Variants in CTNNBL1 observed in about 807,000 individuals in gnomAD.
CTNNBL1 encodes the protein beta-catenin-like protein 1.
In CTNNBL1, 31 loss-of-function variants were observed where a neutral mutation model predicts 72.7. The ratio of observed to expected loss-of-function variants is 0.43; its 90% CI spans 0.32 to 0.58. The LOEUF (loss-of-function observed/expected upper bound fraction) is 0.58. Among genes scored for constraint, CTNNBL1 ranks in the 20% least tolerant of loss-of-function variants. The pLI, the probability that CTNNBL1 is intolerant of heterozygous loss-of-function variation, is 0.08. For synonymous variants in CTNNBL1, 240 were observed against 267.3 expected, an observed-to-expected ratio of 0.90 and a Z score of 1.00; for missense variants, 534 against 725.1, an observed-to-expected ratio of 0.74 and a Z score of 3.03.
At chr20:37,800,104 C>T (rs2073811542) in intron 10 of CTNNBL1, among the ~76,000 whole-genome samples, 1 of 152,168 alleles carries the variant, frequency 6.6e-6, no homozygotes, top group Non-Finnish European at 1.5e-5. Context: ...AAAAGACTGT[C>T]CAAAGGGGAT....
chr20:37,773,270 A>C (rs2073541823), intron 7 of CTNNBL1, among the ~76,000 whole-genome samples: 1 of 152,176 alleles, frequency 6.6e-6, no homozygotes, highest in South Asian at 2.1e-4. Flanking sequence ...ATATGTCTGA[A>C]CCTGCCCCAT....
intron 2 of CTNNBL1, among the ~76,000 whole-genome samples, chr20:37,733,927 T>C (rs1216820321): frequency 6.6e-6 from 1 of 152,178 alleles, no homozygotes; most frequent in African/African-American, 2.4e-5. Context: ...TAAATATTTA[T>C]TGAATGAATA....
chr20:37,700,964 C>G (rs1480909100), intron 1 of CTNNBL1, among the ~76,000 whole-genome samples: 1 of 152,102 alleles, frequency 6.6e-6, no homozygotes, highest in African/African-American at 2.4e-5. Flanking sequence ...TTTCCCCCTC[C>G]TAGTTTTTTC....
At chr20:37,854,551 A>ATATTATTAT (rs139266490) in intron 13 of CTNNBL1, among the ~76,000 whole-genome samples, 42 of 129,276 alleles carry the variant, frequency 3.2e-4, no homozygotes, top group East Asian at 6.7e-4. Context: ...CTGCCTCTCA[A>ATATTATTAT]TATTATTATT....
At chr20:37,769,179 A>G (rs1234079121) in intron 7 of CTNNBL1, among the ~76,000 whole-genome samples, 1 of 152,226 alleles carries the variant, frequency 6.6e-6, no homozygotes, top group African/African-American at 2.4e-5. Flanking sequence ...CTTGGATCCT[A>G]TCCCCCACAG....
chr20:37,764,397 A>C lies in CTNNBL1; in HGVS notation c.565-800A>C, dbSNP rs191907843. ...TCTCCTTAGAACACAGATTGTGCAC[A>C]GGAGGTAGCATGAAGTAGTAAAAGC... On this transcript the variant is annotated intron_variant, in intron 5 of 15. Transcript: ENST00000361383. 8.6e-4 allele frequency among the ~76,000 whole-genome samples: 131 copies of C among 152,324 alleles called. 1 individual carries two copies. Among genetic ancestry groups the C allele is most frequent in the Admixed American group, 2.5e-3 (38 of 15,306 alleles).
intron 5 of CTNNBL1, 77 bp from the exon 6 acceptor site, chr20:37,765,120 A>G: frequency 1.1e-6 from 1 of 921,948 alleles, no homozygotes; most frequent in Non-Finnish European, 1.7e-6. Context: ...ATAGTGGAGA[A>G]GTAAGTATGG....
intron 4 of CTNNBL1, among the ~76,000 whole-genome samples, chr20:37,755,354 A>G (rs1198282152): frequency 1.3e-5 from 2 of 152,146 alleles, no homozygotes; most frequent in East Asian, 1.9e-4. Flanking sequence ...GCTGTTTTTT[A>G]TTATAATTGA....
chr20:37,779,141 G>T, intron 9 of CTNNBL1, 46 bp from the exon 10 acceptor site: 3 of 1,600,594 alleles, frequency 1.9e-6, no homozygotes, highest in Non-Finnish European at 1.7e-6. Context: ...CTCATGAAAA[G>T]ACATTCTCTT....
intron 10 of CTNNBL1, among the ~76,000 whole-genome samples, chr20:37,787,511 A>AT (rs2073688076): frequency 6.6e-6 from 1 of 151,662 alleles, no homozygotes; most frequent in African/African-American, 2.4e-5. Flanking sequence ...CGCCCGGCTA[A>AT]TTTTTTGTAT....
chr20:37,838,234 G>A (rs566186898), intron 11 of CTNNBL1, among the ~76,000 whole-genome samples: 2 of 152,222 alleles, frequency 1.3e-5, no homozygotes, highest in Non-Finnish European at 2.9e-5. Flanking sequence ...CTGACGTTAG[G>A]TGTTAACCTA....
chr20:37,718,437 A>G (rs1241144751), intron 1 of CTNNBL1, among the ~76,000 whole-genome samples: 1 of 110,900 alleles, frequency 9.0e-6, no homozygotes, highest in Non-Finnish European at 1.8e-5. Flanking sequence ...TCCCTCCCGG[A>G]CGGGGTGGCT....
At chr20:37,804,261 G>A (rs1333571321) in intron 11 of CTNNBL1, among the ~76,000 whole-genome samples, 2 of 152,208 alleles carry the variant, frequency 1.3e-5, no homozygotes, top group South Asian at 4.1e-4. Flanking sequence ...GTCCCTGGGA[G>A]AGGGAATGGA....
intron 11 of CTNNBL1, among the ~76,000 whole-genome samples, chr20:37,804,568 G>C (rs998541382): frequency 4.6e-5 from 7 of 152,212 alleles, no homozygotes; most frequent in African/African-American, 1.7e-4. Context: ...TAGAAGCTCT[G>C]ATAGCCACAC....
chr20:37,706,026 A>T (rs1600432959), intron 1 of CTNNBL1, among the ~76,000 whole-genome samples: 1 of 152,244 alleles, frequency 6.6e-6, no homozygotes, highest in Non-Finnish European at 1.5e-5. Flanking sequence ...TTTATACTAT[A>T]CTGCAGCCTA....
intron 13 of CTNNBL1, among the ~76,000 whole-genome samples, chr20:37,853,703 A>G (rs2072415691): frequency 6.6e-6 from 1 of 152,230 alleles, no homozygotes; most frequent in Non-Finnish European, 1.5e-5. Context: ...TTCTTTTTAA[A>G]ACAGACCAAA....
At chr20:37,721,923 C>A (rs1451476055) in intron 1 of CTNNBL1, among the ~76,000 whole-genome samples, 1 of 152,222 alleles carries the variant, frequency 6.6e-6, no homozygotes, top group African/African-American at 2.4e-5. Context: ...TCAGGCCTCA[C>A]CAGTTTGCTC....
chr20:37,700,044 T>G (rs940064514), intron 1 of CTNNBL1, among the ~76,000 whole-genome samples: 4 of 152,170 alleles, frequency 2.6e-5, no homozygotes, highest in Non-Finnish European at 5.9e-5. Flanking sequence ...TACTAATTAT[T>G]TAGACCGGGG....
chr20:37,859,827 C>A, intron 13 of CTNNBL1, 72 bp from the exon 14 acceptor site: 2 of 1,519,816 alleles, frequency 1.3e-6, no homozygotes, highest in Non-Finnish European at 9.0e-7. Context: ...TGTATTATGG[C>A]CAGACTAGGA....
Sources: gnomAD v4.1 joint callset for allele counts (sites outside exome capture counted in the v4.1 genomes callset) on GRCh38, gnomAD v4.1.1 for gene constraint, MANE v1.5 for transcripts, NCBI Gene and HGNC (gene_info 2026-07-23, HGNC 2026-07-21) for gene names.